The following AMN1 variants were observed in gnomAD, a reference collection of about 807,000 sequenced individuals.
The protein encoded by AMN1 is antagonist of mitotic exit network 1 homolog, also known as protein AMN1 homolog.
AMN1 carries 20 observed loss-of-function variants against 33.0 expected under a neutral mutation model. That is an observed-to-expected ratio of 0.61 (90% CI 0.43 to 0.88). AMN1 has a LOEUF of 0.88. Ranked by LOEUF, AMN1 falls within the 40% of genes least tolerant of loss-of-function variation. The pLI is 0.00. For synonymous variants in AMN1, 114 were observed against 111.9 expected, an observed-to-expected ratio of 1.02 and a Z score of -0.12; for missense variants, 246 against 307.4, an observed-to-expected ratio of 0.80 and a Z score of 1.49.
rs2139744098 is a variant in AMN1, at chr12:31,728,894, G to T, written c.38+77C>A. 5.4e-6 allele frequency: 8 copies of T among 1,469,188 alleles called. No individual in the cohort carries two copies. In the South Asian group the frequency reaches 1.0e-4, roughly 19 times the overall value. The allele number at this position is 1,469,188 out of a possible 1,614,324, so 91.0% of individuals were successfully genotyped here. A position where few individuals can be genotyped will look rare whatever the true frequency, so the allele number is the denominator to read the frequency against. On this transcript the variant is annotated intron_variant, in intron 1 of 6. Coordinates refer to ENST00000281471, the MANE Select transcript of AMN1 (RefSeq NM_001113402.2). ...GGGGGGGTGGGAAAGGGGCGGGGAG[G>T]AAGAGCAGCGCAGGGCCTGGCCGTT...
rs1288535600 is a variant in AMN1, at chr12:31,686,999, T to C, written c.703+2008A>G. On this transcript the variant is annotated intron_variant, in intron 6 of 6. Transcript: ENST00000281471. ...GTGCAGCTAACCCCAGTTAACAGTT[T>C]CTTTTTTTCTTTTTTCTTTTTCTTT... Among the ~76,000 whole-genome samples, 5 of 152,102 alleles carry C rather than the reference T, an allele frequency of 3.3e-5. No individual in the cohort carries two copies. The East Asian group carries it at 9.6e-4, about 29-fold the overall frequency.
At chr12:31,676,227 T>C (rs1371511063) in intron 6 of AMN1, among the ~76,000 whole-genome samples, 1 of 151,690 alleles carries the variant, frequency 6.6e-6, no homozygotes, top group Non-Finnish European at 1.5e-5. Context: ...AGGCTTAATA[T>C]TATTAAGATA....
At chr12:31,694,040 C>A (rs1938613634) in intron 5 of AMN1, among the ~76,000 whole-genome samples, 1 of 151,542 alleles carries the variant, frequency 6.6e-6, no homozygotes, top group African/African-American at 2.4e-5. Flanking sequence ...AATAATTTAG[C>A]AACATTAATA....
chr12:31,679,777 A>T (rs966616543), intron 6 of AMN1, among the ~76,000 whole-genome samples: 2 of 152,178 alleles, frequency 1.3e-5, no homozygotes, highest in Non-Finnish European at 2.9e-5. Context: ...TAGCAAAGGT[A>T]TGTGAGGTGA....
chr12:31,722,176 C>CACACACACACA (rs1565783449), intron 1 of AMN1, among the ~76,000 whole-genome samples: 5 of 143,410 alleles, frequency 3.5e-5, no homozygotes, highest in African/African-American at 1.3e-4. Context: ...CACACACACA[C>CACACACACACA]CTGGGGCTAT....
At position 31,689,103 on chromosome 12, in the gene AMN1, G is replaced by A; in HGVS notation, c.607C>T (p.His203Tyr). The change falls in exon 6 of 7, where the codon CAT becomes TAT. Residue 203 changes from histidine (H) to tyrosine (Y), a missense_variant. His to Tyr is a moderately conservative substitution (Grantham distance 83, BLOSUM62 2). Transcript: ENST00000281471. ...GCCCCATCAGTCAGATTTACACAATGTCCCATATGAATCTCCTATGCAAAA... is the reference window on the plus strand; with the variant it reads ...GCCCCATCAGTCAGATTTACACAATATCCCATATGAATCTCCTATGCAAAA... The part of the protein sequence containing the change: ...AKKLEEIHMG[H>Y]CVNLTDGAVE... 2 of 1,610,724 alleles carry A rather than the reference G, an allele frequency of 1.2e-6. No individual in the cohort carries two copies. Among genetic ancestry groups the A allele is most frequent in the Non-Finnish European group, 1.7e-6 (2 of 1,177,658 alleles).
Position 31,683,833 on chromosome 12 carries a change from T to C in AMN1, c.703+5174A>G, listed in dbSNP as rs1320766261. 2.6e-5 allele frequency among the ~76,000 whole-genome samples: 4 copies of C among 152,198 alleles called. No homozygotes were observed. The highest frequency in any genetic ancestry group is 9.7e-5 in the African/African-American group (4 of 41,444). On this transcript the variant is annotated intron_variant, in intron 6 of 6. Transcript: ENST00000281471. The surrounding 1 kb of genome is among the most constrained non-coding windows in gnomAD (Gnocchi z 4.1). ...ACTACAGTGTAAGGTTATTCTTATT[T>C]GAGTACTTGGCAGACTATTTCATGA...
At chr12:31,713,465 G>A (rs1939549619) in intron 1 of AMN1, among the ~76,000 whole-genome samples, 1 of 152,072 alleles carries the variant, frequency 6.6e-6, no homozygotes, top group Non-Finnish European at 1.5e-5. Flanking sequence ...ATAAAACAGG[G>A]TGATATACAT....
chr12:31,689,227 C>CA (rs534958190), intron 5 of AMN1, 109 bp from the exon 6 acceptor site: 332 of 711,856 alleles, frequency 4.7e-4, no homozygotes, highest in Middle Eastern at 8.7e-4. Flanking sequence ...TATCTACTTG[C>CA]AAAAAAAAAG....
chr12:31,685,411 T>G (rs897532588), intron 6 of AMN1, among the ~76,000 whole-genome samples: 14 of 152,190 alleles, frequency 9.2e-5, no homozygotes, highest in African/African-American at 3.4e-4. Flanking sequence ...TTGTCTCCCT[T>G]GGTCCCTCCA....
chr12:31,707,673 C>A (rs1390478851), intron 2 of AMN1, among the ~76,000 whole-genome samples: 2 of 152,168 alleles, frequency 1.3e-5, no homozygotes. Flanking sequence ...TCAGATGCCT[C>A]TGGAATCTGT....
At chr12:31,684,214 C>T (rs1032551797) in intron 6 of AMN1, among the ~76,000 whole-genome samples, 10 of 152,012 alleles carry the variant, frequency 6.6e-5, no homozygotes, top group South Asian at 2.1e-4. Context: ...ACAAAATGTA[C>T]GCAAAGTTCA....
At chr12:31,680,211 T>G (rs1221044597) in intron 6 of AMN1, among the ~76,000 whole-genome samples, 2 of 152,068 alleles carry the variant, frequency 1.3e-5, no homozygotes, top group African/African-American at 4.8e-5. Context: ...TCTTTTCTTT[T>G]CTTTTGAGAT....
intron 6 of AMN1, among the ~76,000 whole-genome samples, chr12:31,678,970 A>G (rs1257496579): frequency 6.6e-6 from 1 of 152,138 alleles, no homozygotes; most frequent in Admixed American, 6.6e-5. Flanking sequence ...GCAAGGAACC[A>G]GCTTTAATTA....
rs1428908542 is a variant in AMN1, at chr12:31,683,792, A to G, written c.703+5215T>C. 6.6e-6 allele frequency among the ~76,000 whole-genome samples: 1 copy of G among 152,162 alleles called. No individual in the cohort carries two copies. The highest frequency in any genetic ancestry group is 6.6e-5 in the Admixed American group (1 of 15,262). ...GTATGTCTGTATCAGCAGTGTGAAA[A>G]CGGACTAATACAATGACTACAGTGT... On this transcript the variant is annotated intron_variant, in intron 6 of 6. Coordinates refer to ENST00000281471, the MANE Select transcript of AMN1 (RefSeq NM_001113402.2). This position sits in a 1 kb window ranked among gnomAD's most constrained non-coding sequence, Gnocchi z 4.1.
chr12:31,715,552 C>A, intron 1 of AMN1: 1 of 163,408 alleles, frequency 6.1e-6, no homozygotes, highest in Non-Finnish European at 1.4e-5. Context: ...CTTTCTCCTG[C>A]TCTCATTTTT....
intron 6 of AMN1, 120 bp from the exon 7 acceptor site, chr12:31,672,497 A>T: frequency 1.4e-6 from 1 of 733,740 alleles, no homozygotes; most frequent in Non-Finnish European, 2.3e-6. Flanking sequence ...AAAGGAGGTG[A>T]TCTATAAAGC....
At chr12:31,700,432 AAAGGT>A (rs1938942459) in intron 3 of AMN1, among the ~76,000 whole-genome samples, 2 of 152,170 alleles carry the variant, frequency 1.3e-5, no homozygotes, top group South Asian at 4.1e-4. Flanking sequence ...AGAGAGGAAA[AAAGGT>A]AAAGATTCAC....
intron 2 of AMN1, among the ~76,000 whole-genome samples, chr12:31,707,080 A>G (rs1445293220): frequency 6.6e-6 from 1 of 152,224 alleles, no homozygotes; most frequent in Admixed American, 6.5e-5. Context: ...AAAGAACAGT[A>G]TAGATGAGAA....
Sources: gnomAD v4.1 joint callset for allele counts (sites outside exome capture counted in the v4.1 genomes callset) on GRCh38, gnomAD v4.1.1 for gene constraint, Gnocchi (gnomAD v3.1) non-coding constraint, MANE v1.5 for transcripts, NCBI Gene and HGNC (gene_info 2026-07-23, HGNC 2026-07-21) for gene names.